The following RALGAPA2 variants were observed in gnomAD, a reference collection of about 807,000 sequenced individuals.
The protein encoded by RALGAPA2 is Ral GTPase activating protein catalytic subunit alpha 2.
RALGAPA2 carries 139 observed loss-of-function variants against 230.4 expected under a neutral mutation model. The ratio of observed to expected loss-of-function variants is 0.60; its 90% CI spans 0.53 to 0.69. The LOEUF (loss-of-function observed/expected upper bound fraction) is 0.69. Ranked by LOEUF, RALGAPA2 falls within the 30% of genes least tolerant of loss-of-function variation. RALGAPA2 has a pLI of 0.00. For missense variants in RALGAPA2, 2,163 were observed against 2,276.0 expected, an observed-to-expected ratio of 0.95 and a Z score of 1.01; for synonymous variants, 847 against 837.8, an observed-to-expected ratio of 1.01 and a Z score of -0.19.
At position 20,605,250 on chromosome 20, in the gene RALGAPA2, C is replaced by T. The variant is rs142419151; in HGVS notation, c.1963G>A (p.Val655Ile). 4,751 of 1,613,842 alleles carry T rather than the reference C, an allele frequency of 2.9e-3. 183 individuals are homozygous for T. In the Admixed American group the frequency reaches 0.07, roughly 24 times the overall value. The change falls in exon 15 of 40, where the codon GTT becomes ATT. Residue 655 changes from valine to isoleucine, a missense_variant. Physicochemically the swap from Val to Ile is conservative, Grantham distance 29. Transcript: ENST00000202677. ...DSLTAVLART[V>I]YGVEMTNLPL... is the part of the protein sequence containing the mutation. ...AGGTTTGTCATCTCAACTCCATAAA[C>T]GGTTCTTGCAAGCACTGCTGTCAAG...
intron 20 of RALGAPA2, among the ~76,000 whole-genome samples, chr20:20,579,388 G>A (rs1344382925): frequency 2.0e-5 from 3 of 152,082 alleles, no homozygotes; most frequent in Admixed American, 1.3e-4. Context: ...CCTGGAGTCT[G>A]CATTCCAGTA....
chr20:20,560,546 A>T (rs1012893322), intron 23 of RALGAPA2, among the ~76,000 whole-genome samples: 2 of 152,242 alleles, frequency 1.3e-5, no homozygotes, highest in African/African-American at 4.8e-5. Flanking sequence ...CAAGGAGAGC[A>T]CTTTTCTCAC....
chr20:20,693,170 C>A (rs1172009162), intron 1 of RALGAPA2, among the ~76,000 whole-genome samples: 1 of 152,110 alleles, frequency 6.6e-6, no homozygotes, highest in Non-Finnish European at 1.5e-5. Context: ...GAGTGATAGT[C>A]CTTGTGTAAA....
intron 33 of RALGAPA2, 40 bp from the exon 34 acceptor site, chr20:20,505,574 T>G: frequency 1.3e-6 from 2 of 1,482,142 alleles, no homozygotes; most frequent in Non-Finnish European, 9.0e-7. Flanking sequence ...AATTCTTATA[T>G]GTAAAATTTT....
chr20:20,666,082 T>C (rs2067949021), intron 3 of RALGAPA2, among the ~76,000 whole-genome samples: 1 of 152,226 alleles, frequency 6.6e-6, no homozygotes, highest in South Asian at 2.1e-4. Flanking sequence ...AGCCAGATGA[T>C]TACACACCTC....
chr20:20,607,899 A>C (rs1164275465), intron 14 of RALGAPA2, among the ~76,000 whole-genome samples: 1 of 152,218 alleles, frequency 6.6e-6, no homozygotes, highest in East Asian at 1.9e-4. Context: ...ACGTGCACAG[A>C]GCAAAATGGT....
intron 36 of RALGAPA2, among the ~76,000 whole-genome samples, chr20:20,474,675 T>A (rs939310829): frequency 1.3e-5 from 2 of 152,168 alleles, no homozygotes; most frequent in Non-Finnish European, 2.9e-5. Flanking sequence ...TGCCACAGTT[T>A]CTGGCCTGGC....
At chr20:20,475,273 T>G (rs1025207482) in intron 36 of RALGAPA2, among the ~76,000 whole-genome samples, 2 of 152,148 alleles carry the variant, frequency 1.3e-5, no homozygotes, top group Non-Finnish European at 1.5e-5. Flanking sequence ...GTAAGAAAAC[T>G]ATGGACTAAT....
At chr20:20,625,637 G>T (rs2066468372) in intron 10 of RALGAPA2, among the ~76,000 whole-genome samples, 1 of 152,040 alleles carries the variant, frequency 6.6e-6, no homozygotes, top group African/African-American at 2.4e-5. Flanking sequence ...CTTACAACTT[G>T]AACTACACTG....
At chr20:20,676,887 C>T (rs1312242142) in intron 2 of RALGAPA2, among the ~76,000 whole-genome samples, 3 of 152,188 alleles carry the variant, frequency 2.0e-5, no homozygotes, top group African/African-American at 7.2e-5. Flanking sequence ...GCAGGCCTCT[C>T]TTACAAACAC....
intron 37 of RALGAPA2, among the ~76,000 whole-genome samples, chr20:20,430,869 T>C (rs1227536307): frequency 2.0e-5 from 3 of 152,140 alleles, no homozygotes; most frequent in African/African-American, 7.2e-5. Flanking sequence ...AATGCCTCTA[T>C]ATATTTTCAA....
rs2061572158 is a variant in RALGAPA2, at chr20:20,472,933, A to C, written c.5391T>G (p.Phe1797Leu). ...GCTTCCCACTCACTATGGCTCCATC[A>C]AACAGAGGCCCAAAAAATGGAACCT... ...KPEVPFFGPLFDGAIVSGKLL... is the reference protein window; with the variant it reads ...KPEVPFFGPLLDGAIVSGKLL... The change falls in exon 37 of 40, where the codon TTT (phenylalanine) becomes TTG (leucine). Residue 1797 changes from phenylalanine to leucine, a missense_variant. Transcript: ENST00000202677. The C allele has an allele frequency of 6.3e-7, 1 of 1,599,796 alleles. No homozygotes were observed.
At chr20:20,658,021 T>C (rs537058388) in intron 3 of RALGAPA2, among the ~76,000 whole-genome samples, 2 of 152,298 alleles carry the variant, frequency 1.3e-5, no homozygotes, top group Admixed American at 6.5e-5. Context: ...ACGATGTGTA[T>C]CTACATGCTT....
intron 20 of RALGAPA2, among the ~76,000 whole-genome samples, chr20:20,576,341 T>G (rs548342277): frequency 6.6e-6 from 1 of 152,256 alleles, no homozygotes; most frequent in Admixed American, 6.5e-5. Context: ...ACATAACAAA[T>G]AGCTGTCATG....
At chr20:20,680,938 CTGTT>C in intron 1 of RALGAPA2, 137 bp from the exon 2 acceptor site, 1 of 1,386,290 alleles carries the variant, frequency 7.2e-7, no homozygotes, top group Non-Finnish European at 9.5e-7. Context: ...AACAGTATTC[CTGTT>C]TGTTTATTCT....
intron 24 of RALGAPA2, among the ~76,000 whole-genome samples, chr20:20,541,026 T>C (rs16981965): frequency 0.011 from 1,650 of 150,868 alleles, 24 homozygotes; most frequent in African/African-American, 0.038. Flanking sequence ...ATCTAGGCAA[T>C]ATATAATGAA....
intron 26 of RALGAPA2, among the ~76,000 whole-genome samples, chr20:20,535,487 G>T (rs1210966964): frequency 6.6e-6 from 1 of 152,098 alleles, no homozygotes; most frequent in Non-Finnish European, 1.5e-5. Flanking sequence ...GAGGATACAT[G>T]ATTATATTTG....
chr20:20,473,165 A>G (rs1908251124), intron 36 of RALGAPA2, among the ~76,000 whole-genome samples: 1 of 152,196 alleles, frequency 6.6e-6, no homozygotes, highest in South Asian at 2.1e-4. Flanking sequence ...GGGATTCTTC[A>G]GCAAAACTTT....
chr20:20,488,513 T>C (rs76065974), intron 36 of RALGAPA2, among the ~76,000 whole-genome samples: 13,922 of 152,292 alleles, frequency 0.091, 734 homozygotes, highest in Middle Eastern at 0.16. Context: ...TCTATCTCTC[T>C]AACTTTAGGG....
Sources: gnomAD v4.1 joint callset for allele counts (sites outside exome capture counted in the v4.1 genomes callset) on GRCh38, gnomAD v4.1.1 for gene constraint, MANE v1.5 for transcripts, NCBI Gene and HGNC (gene_info 2026-07-23, HGNC 2026-07-21) for gene names.